The following CCSER1 variants were observed in gnomAD, a reference collection of about 807,000 sequenced individuals.
CCSER1 encodes the protein serine-rich coiled-coil domain-containing protein 1.
A neutral mutation model predicts 82.0 loss-of-function variants in CCSER1; 41 were observed. The observed-to-expected ratio is 0.50, with a 90% CI of 0.39 to 0.65. The LOEUF (loss-of-function observed/expected upper bound fraction) is 0.65. Ranked by LOEUF, CCSER1 falls within the 30% of genes least tolerant of loss-of-function variation. The pLI is 0.00. For missense variants in CCSER1, 1,119 were observed against 1,064.2 expected (o/e 1.05, Z -0.72); for synonymous variants, 414 against 383.9 (o/e 1.08, Z -0.92).
intron 7 of CCSER1, among the ~76,000 whole-genome samples, chr4:90,748,813 T>C (rs947325686): frequency 1.3e-5 from 2 of 150,136 alleles, no homozygotes; most frequent in African/African-American, 4.9e-5. Context: ...TTTCATGTGT[T>C]TTTTGGCTGC....
At chr4:90,316,135 C>T (rs1375644968) in intron 3 of CCSER1, among the ~76,000 whole-genome samples, 2 of 152,142 alleles carry the variant, frequency 1.3e-5, no homozygotes, top group East Asian at 3.9e-4. Flanking sequence ...ACATTCAGTC[C>T]TCACAACAGT....
intron 10 of CCSER1, among the ~76,000 whole-genome samples, chr4:91,168,117 T>G (rs1488745970): frequency 7.3e-6 from 1 of 137,528 alleles, no homozygotes; most frequent in Non-Finnish European, 1.5e-5. Flanking sequence ...GTCTGGGAGG[T>G]GAGGAACGTC....
chr4:91,001,385 T>C (rs1738020785), intron 9 of CCSER1, among the ~76,000 whole-genome samples: 1 of 152,162 alleles, frequency 6.6e-6, no homozygotes, highest in South Asian at 2.1e-4. Flanking sequence ...TCATTGTATC[T>C]TTGGCAGGTT....
chr4:90,630,581 C>T (rs1297033656), intron 6 of CCSER1, among the ~76,000 whole-genome samples: 1 of 151,952 alleles, frequency 6.6e-6, no homozygotes, highest in Non-Finnish European at 1.5e-5. Flanking sequence ...GCAGCCCATT[C>T]AGTGAGCAGA....
chr4:91,538,698 C>CATATATTATATATATATATATTAT, intron 10 of CCSER1, among the ~76,000 whole-genome samples: 1 of 138,324 alleles, frequency 7.2e-6, no homozygotes. Flanking sequence ...TATATATACA[C>CATATATTATATATATATATATTAT]ATATATATAT....
intron 4 of CCSER1, among the ~76,000 whole-genome samples, chr4:90,415,547 TC>T (rs1755659531): frequency 6.6e-6 from 1 of 152,198 alleles, no homozygotes; most frequent in Admixed American, 6.5e-5. Flanking sequence ...TCCTGATGAA[TC>T]CTCTGAAATG....
chr4:91,079,325 A>G (rs1417536747), intron 9 of CCSER1, among the ~76,000 whole-genome samples: 2 of 152,218 alleles, frequency 1.3e-5, no homozygotes, highest in East Asian at 3.8e-4. Context: ...AGCCAAACTA[A>G]GCTTCATAAG....
At chr4:91,367,668 A>G (rs1434461148) in intron 10 of CCSER1, among the ~76,000 whole-genome samples, 1 of 152,056 alleles carries the variant, frequency 6.6e-6, no homozygotes, top group African/African-American at 2.4e-5. Context: ...TTACTATATC[A>G]TGGATTTTCT....
chr4:90,404,253 A>T (rs1230850677), intron 4 of CCSER1: 1 of 152,096 alleles, frequency 6.6e-6, no homozygotes, highest in Non-Finnish European at 1.5e-5. Flanking sequence ...TCCCCCTGGG[A>T]ATATAACTCC....
chr4:90,129,176 G>C (rs778575538), intron 1 of CCSER1, among the ~76,000 whole-genome samples: 2 of 151,766 alleles, frequency 1.3e-5, no homozygotes, highest in African/African-American at 4.8e-5. Context: ...AAAATAATGT[G>C]TACACGTTTA....
intron 1 of CCSER1, among the ~76,000 whole-genome samples, chr4:90,231,057 A>G (rs1166895801): frequency 1.2e-4 from 18 of 152,280 alleles, no homozygotes; most frequent in East Asian, 3.9e-4. Context: ...GGAGGAACTG[A>G]TACCATTCCT....
At chr4:90,344,504 G>A (rs1247408286) in intron 3 of CCSER1, among the ~76,000 whole-genome samples, 1 of 151,846 alleles carries the variant, frequency 6.6e-6, no homozygotes, top group African/African-American at 2.4e-5. Context: ...TTACAATGGG[G>A]TTACATACCA....
At chr4:90,488,743 T>C (rs1393482720) in intron 5 of CCSER1, among the ~76,000 whole-genome samples, 1 of 152,226 alleles carries the variant, frequency 6.6e-6, no homozygotes, top group Non-Finnish European at 1.5e-5. Flanking sequence ...TCTGAACATA[T>C]GACATCTGTC....
At chr4:90,645,546 G>A (rs1260002965) in intron 6 of CCSER1, among the ~76,000 whole-genome samples, 1 of 152,094 alleles carries the variant, frequency 6.6e-6, no homozygotes, top group Admixed American at 6.6e-5. Context: ...CGTATTCTCA[G>A]ATGGAACAAT....
At chr4:90,958,545 G>A (rs955049160) in intron 9 of CCSER1, among the ~76,000 whole-genome samples, 5 of 151,918 alleles carry the variant, frequency 3.3e-5, no homozygotes, top group African/African-American at 1.2e-4. Flanking sequence ...GTTTTGGGTC[G>A]AGAAGGCTGC....
chr4:90,301,750 A>C (rs1733173642), intron 1 of CCSER1, among the ~76,000 whole-genome samples: 1 of 152,106 alleles, frequency 6.6e-6, no homozygotes, highest in Non-Finnish European at 1.5e-5. Flanking sequence ...AATTGAGAAA[A>C]GATGTTTATT....
At chr4:90,273,931 T>C (rs1014586116) in intron 1 of CCSER1, among the ~76,000 whole-genome samples, 2 of 152,192 alleles carry the variant, frequency 1.3e-5, no homozygotes, top group Non-Finnish European at 2.9e-5. Context: ...ATTCAAGATA[T>C]TTGCAATTAT....
At chr4:91,358,391 G>T (rs965360766) in intron 10 of CCSER1, among the ~76,000 whole-genome samples, 40 of 127,000 alleles carry the variant, frequency 3.1e-4, no homozygotes, top group East Asian at 4.6e-4. Context: ...CCTGACCCAC[G>T]TTGTTTTTTT....
intron 1 of CCSER1, among the ~76,000 whole-genome samples, chr4:90,128,731 AG>A (rs1267170051): frequency 2.0e-5 from 3 of 152,230 alleles, no homozygotes; most frequent in African/African-American, 7.2e-5. Context: ...GCTGATGTAA[AG>A]GAGGAGGTAT....
Sources: allele counts gnomAD v4.1 joint callset (sites outside exome capture counted in the v4.1 genomes callset), GRCh38; gene constraint gnomAD v4.1.1; transcripts MANE v1.5; gene names NCBI Gene and HGNC (gene_info 2026-07-23, HGNC 2026-07-21).